Variants in NPAS3 observed in about 807,000 individuals in gnomAD.
NPAS3 encodes neuronal PAS domain-containing protein 3.
Under a neutral mutation model 73.1 loss-of-function variants are expected in NPAS3, and 14 were observed. The observed-to-expected ratio is 0.19, with a 90% CI of 0.13 to 0.30. NPAS3 has a LOEUF of 0.30. Ranked by LOEUF, NPAS3 falls within the 10% of genes least tolerant of loss-of-function variation. The pLI is 1.00. For synonymous variants in NPAS3, 620 were observed against 541.5 expected (o/e 1.14, Z -2.01); for missense variants, 1,096 against 1,250.0 (o/e 0.88, Z 1.86).
intron 4 of NPAS3, among the ~76,000 whole-genome samples, chr14:33,438,347 C>CTTA (rs1351638833): frequency 6.6e-6 from 1 of 152,172 alleles, no homozygotes; most frequent in Non-Finnish European, 1.5e-5. Flanking sequence ...GTAAGACTCT[C>CTTA]CATGTGGCAG....
intron 5 of NPAS3, among the ~76,000 whole-genome samples, chr14:33,579,661 T>C (rs978561012): frequency 5.9e-5 from 9 of 152,136 alleles, no homozygotes; most frequent in African/African-American, 2.2e-4. Context: ...TTTTTCTTCA[T>C]TTGACCAACA....
chr14:33,253,698 C>T (rs1206138009), intron 3 of NPAS3, among the ~76,000 whole-genome samples: 1 of 151,982 alleles, frequency 6.6e-6, no homozygotes, highest in Non-Finnish European at 1.5e-5. Flanking sequence ...TAAATATAAA[C>T]ATGTCCCTGG....
At chr14:33,227,638 T>G (rs2047684224) in intron 3 of NPAS3, among the ~76,000 whole-genome samples, 1 of 152,184 alleles carries the variant, frequency 6.6e-6, no homozygotes, top group Admixed American at 6.5e-5. Flanking sequence ...GTCTCTAATC[T>G]CATTCATGAG....
chr14:33,636,858 C>A lies in NPAS3; in HGVS notation c.559-39353C>A, dbSNP rs1288550070. Among the ~76,000 whole-genome samples, 6 of 151,994 alleles carry A rather than the reference C, an allele frequency of 3.9e-5. No individual in the cohort carries two copies. The South Asian group carries it at 6.2e-4, about 16-fold the overall frequency. On this transcript the variant is annotated intron_variant, in intron 5 of 11. Transcript: ENST00000356141. ...AGGAAATTTTTGGCATCTTCATTTC[C>A]CTCCTGCTACCAAGCTGTCAGCAGG...
chr14:32,993,459 G>A (rs913210206), intron 1 of NPAS3, among the ~76,000 whole-genome samples: 1 of 152,192 alleles, frequency 6.6e-6, no homozygotes, highest in Non-Finnish European at 1.5e-5. Context: ...CTTCCTTTGT[G>A]TAGGGACAGA....
chr14:33,672,990 C>T (rs1402560663), intron 5 of NPAS3, among the ~76,000 whole-genome samples: 2 of 152,210 alleles, frequency 1.3e-5, no homozygotes, highest in East Asian at 3.9e-4. Flanking sequence ...ATGACAATGA[C>T]TCAGGTGCAT....
chr14:33,516,765 A>AAT (rs1253277654), intron 4 of NPAS3, among the ~76,000 whole-genome samples: 1 of 152,086 alleles, frequency 6.6e-6, no homozygotes, highest in African/African-American at 2.4e-5. Flanking sequence ...TGGTCGTGAT[A>AAT]ATGATGGTGA....
chr14:33,617,862 C>T lies in NPAS3; in HGVS notation c.558+57652C>T, dbSNP rs1215081072. Among the ~76,000 whole-genome samples the T allele has an allele frequency of 6.6e-5, 10 of 152,028 alleles. 1 individual carries two copies. Among genetic ancestry groups the T allele is most frequent in the Admixed American group, 6.5e-4 (10 of 15,268 alleles). ...AAGAGAGGTCTCTAAGAGTCTTTGCCATTTCACTTCTCTGGCAATATCCTC... is the reference window on the plus strand; with the variant it reads ...AAGAGAGGTCTCTAAGAGTCTTTGCTATTTCACTTCTCTGGCAATATCCTC... On this transcript the variant is annotated intron_variant, in intron 5 of 11. Transcript: ENST00000356141.
chr14:33,237,360 C>T (rs974916115), intron 3 of NPAS3, among the ~76,000 whole-genome samples: 1 of 152,086 alleles, frequency 6.6e-6, no homozygotes, highest in East Asian at 1.9e-4. Context: ...CTTATGCACT[C>T]AAGGCATCAC....
chr14:33,444,677 G>T (rs372943708), intron 4 of NPAS3, among the ~76,000 whole-genome samples: 30 of 152,326 alleles, frequency 2.0e-4, no homozygotes, highest in Middle Eastern at 3.4e-3. Context: ...TAGTGTTCAC[G>T]ATTCCTCCAA....
chr14:33,490,528 T>C (rs541336085), intron 4 of NPAS3, among the ~76,000 whole-genome samples: 1 of 152,230 alleles, frequency 6.6e-6, no homozygotes, highest in Admixed American at 6.5e-5. Context: ...TCAGAGATGG[T>C]TAGATATTCC....
intron 4 of NPAS3, among the ~76,000 whole-genome samples, chr14:33,443,530 A>G (rs1287904890): frequency 1.3e-5 from 2 of 152,228 alleles, no homozygotes; most frequent in African/African-American, 4.8e-5. Context: ...AAGATACATG[A>G]CATGCCTGGA....
intron 9 of NPAS3, among the ~76,000 whole-genome samples, chr14:33,778,799 C>T (rs1022793696): frequency 9.2e-5 from 14 of 152,258 alleles, no homozygotes; most frequent in African/African-American, 3.4e-4. Flanking sequence ...AGGCACTCAC[C>T]CAGAATTCTG....
At chr14:33,179,614 C>A (rs1215776873) in intron 2 of NPAS3, among the ~76,000 whole-genome samples, 1 of 152,100 alleles carries the variant, frequency 6.6e-6, no homozygotes, top group Non-Finnish European at 1.5e-5. Context: ...ACTCCTAAAT[C>A]TATATTATTA....
intron 4 of NPAS3, among the ~76,000 whole-genome samples, chr14:33,375,298 A>T (rs1426782961): frequency 6.6e-6 from 1 of 152,194 alleles, no homozygotes; most frequent in Non-Finnish European, 1.5e-5. Context: ...AAATTAGCTT[A>T]ATTGATACTG....
chr14:33,081,256 G>A (rs554817022), intron 2 of NPAS3, among the ~76,000 whole-genome samples: 2 of 152,290 alleles, frequency 1.3e-5, no homozygotes, highest in African/African-American at 4.8e-5. Flanking sequence ...GCAAATGGTA[G>A]ATGAGAAATC....
At chr14:33,712,901 T>C (rs1446783471) in intron 6 of NPAS3, among the ~76,000 whole-genome samples, 1 of 152,158 alleles carries the variant, frequency 6.6e-6, no homozygotes, top group Non-Finnish European at 1.5e-5. Context: ...AATTAGAGGA[T>C]TCATTCTAAT....
At chr14:33,461,593 C>T (rs2050268050) in intron 4 of NPAS3, among the ~76,000 whole-genome samples, 1 of 152,140 alleles carries the variant, frequency 6.6e-6, no homozygotes, top group Non-Finnish European at 1.5e-5. Flanking sequence ...AAGGAGGTGA[C>T]ATTTGGTTAG....
intron 2 of NPAS3, among the ~76,000 whole-genome samples, chr14:33,161,614 G>A (rs915341313): frequency 6.6e-6 from 1 of 152,172 alleles, no homozygotes; most frequent in South Asian, 2.1e-4. Context: ...ATATTTATTT[G>A]CAAATGAAAG....
Sources: allele counts gnomAD v4.1 joint callset (sites outside exome capture counted in the v4.1 genomes callset), GRCh38; gene constraint gnomAD v4.1.1; transcripts MANE v1.5; gene names NCBI Gene and HGNC (gene_info 2026-07-23, HGNC 2026-07-21).